HMGXB3: variants seen among roughly 807,000 people sequenced by gnomAD.
The protein encoded by HMGXB3 is HMG-box containing 3.
A neutral mutation model predicts 121.5 loss-of-function variants in HMGXB3; 45 were observed. That is an observed-to-expected ratio of 0.37 (90% confidence interval 0.29 to 0.47). HMGXB3 has a LOEUF of 0.47. HMGXB3 is among the 20% of genes least tolerant of loss of function. The probability of loss-of-function intolerance (pLI) is 0.99; values close to 1 mark genes in which losing one functional copy is unlikely to be tolerated. For missense variants in HMGXB3, 1,376 were observed against 1,602.2 expected (o/e 0.86, Z 2.41); for synonymous variants, 590 against 624.1 (o/e 0.95, Z 0.81).
At position 150,051,888 on chromosome 5, in the gene HMGXB3, C is replaced by T; in HGVS notation, c.3575C>T (p.Ala1192Val). 2.6e-6 allele frequency: 4 copies of T among 1,551,652 alleles called. No homozygotes were observed. In the Admixed American group the frequency reaches 5.9e-5, roughly 23 times the overall value. ...GDPSAGHHSLALCPELAPYAT... is the reference protein window; with the variant it reads ...GDPSAGHHSLVLCPELAPYAT... The stretch of plus-strand genomic sequence containing the variant: ...CCCAGTGCTGGGCACCACTCCTTGG[C>T]CCTGTGCCCTGAATTGGCACCTTAC... The change falls in exon 20 of 20, where the codon GCC becomes GTC. Residue 1192 changes from alanine to valine, a missense_variant. By Grantham distance (64) the Ala-to-Val change is moderately conservative (BLOSUM62 0). Coordinates refer to ENST00000502717, the MANE Select transcript of HMGXB3 (RefSeq NM_014983.3).
In HMGXB3 at chr5:150,040,817, A is replaced by G; in HGVS notation, c.2483A>G (p.Lys828Arg). 6.4e-7 allele frequency: 1 copy of G among 1,551,990 alleles called. No homozygotes were observed. The highest frequency in any genetic ancestry group is 8.7e-7 in the Non-Finnish European group (1 of 1,147,062). ...CTTTTTGCAATCAGAAATCAGATCA[A>G]GCTCGGAGAGGACCCCAGAGTGTCC... The part of the protein sequence containing the change: ...DLLFAIRNQI[K>R]LGEDPRVSIN... Residue 828 changes from lysine (K) to arginine (R), a missense_variant, in exon 14 of 20, where the codon AAG becomes AGG. This residue lies in a region of HMGXB3 where 1,116 missense variants were observed against 1,369.0 expected (regional missense o/e 0.82). Coordinates refer to ENST00000502717, the MANE Select transcript of HMGXB3 (RefSeq NM_014983.3).
chr5:150,024,699 A>T lies in HMGXB3; in HGVS notation c.1460+19A>T. ...CTACAGGGTAAGTCAGTGTGTTTGT[A>T]TAATATAGGGCTTTGGAAATGCCCC... is the stretch of plus-strand genomic sequence containing the variant. On this transcript the variant is annotated intron_variant, in intron 7 of 19. Coordinates refer to ENST00000502717, the MANE Select transcript of HMGXB3 (RefSeq NM_014983.3). The T allele has an allele frequency of 6.6e-7, 1 of 1,515,760 alleles. No individual in the cohort carries two copies. The highest frequency in any genetic ancestry group is 8.9e-7 in the Non-Finnish European group (1 of 1,128,968). The allele number at this position is 1,515,760 out of a possible 1,614,324, so 93.9% of individuals were successfully genotyped here.
At chr5:150,017,555 T>C (rs1755985814) in intron 5 of HMGXB3, among the ~76,000 whole-genome samples, 1 of 152,212 alleles carries the variant, frequency 6.6e-6, no homozygotes, top group Non-Finnish European at 1.5e-5. Context: ...AAGCCTGGTC[T>C]TCCTCTTTTT....
At chr5:150,038,377 A>T (rs1756547037) in intron 13 of HMGXB3, among the ~76,000 whole-genome samples, 1 of 152,314 alleles carries the variant, frequency 6.6e-6, no homozygotes, top group South Asian at 2.1e-4. Flanking sequence ...GCTCTTGCCA[A>T]CAGTTAACAA....
chr5:150,004,801 C>A, intron 1 of HMGXB3, 50 bp from the exon 2 acceptor site: 1 of 1,312,816 alleles, frequency 7.6e-7, no homozygotes, highest in Non-Finnish European at 1.1e-6. Flanking sequence ...AGCTGCTGCC[C>A]CTCTTAGGGG....
chr5:150,020,419 A>G (rs986611707), intron 6 of HMGXB3, among the ~76,000 whole-genome samples: 1 of 152,226 alleles, frequency 6.6e-6, no homozygotes, highest in African/African-American at 2.4e-5. Context: ...TTCTTGACCA[A>G]TGCGAAACAG....
chr5:150,033,607 A>G (rs1238134723), intron 11 of HMGXB3, among the ~76,000 whole-genome samples: 1 of 152,138 alleles, frequency 6.6e-6, no homozygotes, highest in Admixed American at 6.5e-5. Context: ...CGTGAAAAGC[A>G]TCTTGGAACC....
rs543965885 is a variant in HMGXB3, at chr5:150,040,222, A to G, written c.2414-526A>G. On this transcript the variant is annotated intron_variant, in intron 13 of 19. Transcript: ENST00000502717. ...TTTGTTTAATGATGTATTATAGGCA[A>G]CTTTGCGTCAGAACAGTTAGATCTA... Among the ~76,000 whole-genome samples, 117 of 152,258 alleles carry G rather than the reference A, an allele frequency of 7.7e-4. 1 individual carries two copies. The highest frequency in any genetic ancestry group is 3.4e-3 in the Middle Eastern group (1 of 294).
intron 6 of HMGXB3, among the ~76,000 whole-genome samples, chr5:150,020,654 G>A: frequency 6.6e-6 from 1 of 151,236 alleles, no homozygotes; most frequent in South Asian, 2.1e-4. Context: ...CAAATTCTTG[G>A]TCTCAAGTGA....
intron 6 of HMGXB3, among the ~76,000 whole-genome samples, chr5:150,020,503 C>T (rs1285877554): frequency 6.6e-6 from 1 of 152,218 alleles, no homozygotes; most frequent in Admixed American, 6.5e-5. Flanking sequence ...ATCCCTCCTT[C>T]AGGCTATTTT....
chr5:150,026,963 G>A (rs558641093), intron 8 of HMGXB3, 57 bp from the exon 9 acceptor site: 1 of 1,540,784 alleles, frequency 6.5e-7, no homozygotes, highest in Non-Finnish European at 8.8e-7. Context: ...CGGACATAGA[G>A]ACTTGGGGAG....
chr5:150,010,280 C>T lies in HMGXB3; in HGVS notation c.482C>T (p.Pro161Leu). 3.2e-6 allele frequency: 5 copies of T among 1,551,798 alleles called. No homozygotes were observed. Among genetic ancestry groups the T allele is most frequent in the Non-Finnish European group, 4.4e-6 (5 of 1,147,030 alleles). Residue 161 changes from proline (P) to leucine (L), a missense_variant, in exon 4 of 20, where the codon CCT (proline) becomes CTT (leucine). By Grantham distance (98) the Pro-to-Leu change is moderately conservative. Coordinates refer to ENST00000502717, the MANE Select transcript of HMGXB3 (RefSeq NM_014983.3). ...CAGAACCAGATGTCCCCGAAAGGACCTCCTCTTGTGTCCAACACTGCCCCG... is the reference window on the plus strand; with the variant it reads ...CAGAACCAGATGTCCCCGAAAGGACTTCCTCTTGTGTCCAACACTGCCCCG... ...VAQNQMSPKG[P>L]PLVSNTAPET... is the part of the protein sequence containing the mutation.
intron 5 of HMGXB3, chr5:150,015,083 G>A (rs578235790): frequency 3.1e-5 from 12 of 392,888 alleles, no homozygotes; most frequent in Admixed American, 9.5e-5. Flanking sequence ...AAGGGGGACA[G>A]ATATGGAGAT....
chr5:150,011,067 A>G (rs1458272616), intron 4 of HMGXB3, among the ~76,000 whole-genome samples: 2 of 152,074 alleles, frequency 1.3e-5, no homozygotes, highest in African/African-American at 4.8e-5. Context: ...AGCCAGGATT[A>G]TAGGCTTGTC....
intron 4 of HMGXB3, 70 bp downstream of exon 4, chr5:150,010,678 G>A (rs775138571): frequency 1.3e-5 from 19 of 1,411,982 alleles, no homozygotes; most frequent in Non-Finnish European, 1.7e-5. Context: ...GCACCATACA[G>A]TGTGATTCCA....
intron 19 of HMGXB3, among the ~76,000 whole-genome samples, chr5:150,051,459 C>A (rs1044265764): frequency 2.0e-5 from 3 of 152,200 alleles, no homozygotes; most frequent in Non-Finnish European, 4.4e-5. Context: ...TCTTTCTGCT[C>A]CCCTGCAGCC....
intron 4 of HMGXB3, among the ~76,000 whole-genome samples, chr5:150,011,067 A>T (rs1458272616): frequency 6.6e-6 from 1 of 152,074 alleles, no homozygotes; most frequent in Non-Finnish European, 1.5e-5. Context: ...AGCCAGGATT[A>T]TAGGCTTGTC....
chr5:150,008,522 C>T (rs890482437), intron 3 of HMGXB3, among the ~76,000 whole-genome samples: 7 of 152,152 alleles, frequency 4.6e-5, no homozygotes, highest in African/African-American at 1.7e-4. Context: ...TGTAGTAAGA[C>T]TGAGTGAAGC....
In HMGXB3 at chr5:150,009,634, G is replaced by A. The variant is rs575786257; in HGVS notation, c.313-477G>A. Among the ~76,000 whole-genome samples, 13 of 152,176 alleles carry A rather than the reference G, an allele frequency of 8.5e-5. No individual in the cohort carries two copies. The South Asian group carries it at 2.5e-3, about 29-fold the overall frequency. On this transcript the variant is annotated intron_variant, in intron 3 of 19. Transcript: ENST00000502717. ...TGTTAACTTGTATTTTATGCTTTTT[G>A]GGTTTTTATTGAGCGTTATACATTC...
Sources: gnomAD v4.1 joint callset for allele counts (sites outside exome capture counted in the v4.1 genomes callset) on GRCh38, gnomAD v4.1.1 for gene constraint, gnomAD v4.1.1 regional missense constraint, MANE v1.5 for transcripts, NCBI Gene and HGNC (gene_info 2026-07-23, HGNC 2026-07-21) for gene names.